RGS7: variants seen among roughly 807,000 people sequenced by gnomAD.
The protein encoded by RGS7 is regulator of G-protein signaling 7.
In RGS7, 27 loss-of-function variants were observed where a neutral mutation model predicts 81.1. That is an observed-to-expected ratio of 0.33 (90% confidence interval 0.25 to 0.46). RGS7 has a LOEUF of 0.46. Among genes scored for constraint, RGS7 ranks in the 20% least tolerant of loss-of-function variants. The pLI is 1.00. For missense variants in RGS7, 396 were observed against 607.4 expected (o/e 0.65, Z 3.66); for synonymous variants, 208 against 207.7 (o/e 1.00, Z -0.01).
At chr1:240,888,429 G>GGT (rs1196561982) in intron 6 of RGS7, among the ~76,000 whole-genome samples, 2 of 152,168 alleles carry the variant, frequency 1.3e-5, no homozygotes. Flanking sequence ...AAGTGAGACA[G>GGT]GTGTGTGTGG....
chr1:241,185,046 G>C (rs2071970393), intron 2 of RGS7, among the ~76,000 whole-genome samples: 1 of 152,052 alleles, frequency 6.6e-6, no homozygotes, highest in African/African-American at 2.4e-5. Context: ...AGAAAAATCA[G>C]GTAAAGTTTA....
chr1:241,134,713 G>C (rs1203868254), intron 2 of RGS7, among the ~76,000 whole-genome samples: 2 of 152,192 alleles, frequency 1.3e-5, no homozygotes, highest in African/African-American at 4.8e-5. Flanking sequence ...AGTTGAAGCA[G>C]AGTGCTGAGA....
At chr1:241,298,584 T>C (rs931551275) in intron 2 of RGS7, among the ~76,000 whole-genome samples, 1 of 152,170 alleles carries the variant, frequency 6.6e-6, no homozygotes, top group Non-Finnish European at 1.5e-5. Flanking sequence ...AAAAGAATTA[T>C]CTGTACCCTC....
At chr1:241,284,821 G>A (rs1226807235) in intron 2 of RGS7, among the ~76,000 whole-genome samples, 1 of 152,116 alleles carries the variant, frequency 6.6e-6, no homozygotes. Context: ...TTTGGCTGGA[G>A]TAAAGTGGTT....
intron 2 of RGS7, among the ~76,000 whole-genome samples, chr1:241,250,623 G>T (rs561019843): frequency 6.6e-6 from 1 of 152,300 alleles, no homozygotes; most frequent in Non-Finnish European, 1.5e-5. Context: ...CCTTTCGCTT[G>T]CATGAGTCAT....
chr1:240,955,664 A>G (rs1302758560), intron 4 of RGS7, among the ~76,000 whole-genome samples: 3 of 152,158 alleles, frequency 2.0e-5, no homozygotes, highest in African/African-American at 7.2e-5. Flanking sequence ...GAAAAAGAAC[A>G]GAGAAATATA....
chr1:241,250,569 C>T (rs2076781057), intron 2 of RGS7, among the ~76,000 whole-genome samples: 1 of 151,954 alleles, frequency 6.6e-6, no homozygotes, highest in African/African-American at 2.4e-5. Context: ...GAAAATAGCA[C>T]AGGCCATGCC....
chr1:241,331,501 C>A (rs2081977442), intron 2 of RGS7, among the ~76,000 whole-genome samples: 1 of 152,046 alleles, frequency 6.6e-6, no homozygotes, highest in Non-Finnish European at 1.5e-5. Flanking sequence ...GATAAAGGTA[C>A]AATATAGTTT....
intron 2 of RGS7, among the ~76,000 whole-genome samples, chr1:241,252,903 G>A (rs1393162004): frequency 6.6e-6 from 1 of 152,146 alleles, no homozygotes; most frequent in Admixed American, 6.5e-5. Flanking sequence ...CCTCGGACTT[G>A]CTTCTAAGAT....
intron 2 of RGS7, among the ~76,000 whole-genome samples, chr1:241,255,507 C>T (rs1328130937): frequency 6.6e-6 from 1 of 152,174 alleles, no homozygotes; most frequent in Non-Finnish European, 1.5e-5. Context: ...GAAAAATGAG[C>T]AGGCCTGAAC....
Position 241,225,356 on chromosome 1 carries a change from A to G in RGS7, c.79-126594T>C, listed in dbSNP as rs118014283. On this transcript the variant is annotated intron_variant, in intron 2 of 18. Coordinates refer to ENST00000440928, the MANE Select transcript of RGS7 (RefSeq NM_001364886.1). ...TGCATTTCTCCCACATGTGGCAAATATATCAACTCTCTTTAGGTATAATAT... is the reference window on the plus strand; with the variant it reads ...TGCATTTCTCCCACATGTGGCAAATGTATCAACTCTCTTTAGGTATAATAT... 3.3e-4 allele frequency among the ~76,000 whole-genome samples: 51 copies of G among 152,352 alleles called. 1 individual carries two copies. In the East Asian group the frequency reaches 9.8e-3, roughly 29 times the overall value.
intron 2 of RGS7, among the ~76,000 whole-genome samples, chr1:241,174,988 C>T (rs1042803598): frequency 4.0e-5 from 6 of 150,358 alleles, no homozygotes; most frequent in African/African-American, 1.2e-4. Context: ...CTACAACCTC[C>T]GCCTCCCAGG....
intron 10 of RGS7, 92 bp downstream of exon 10, chr1:240,827,006 T>C (rs1692953753): frequency 4.9e-6 from 5 of 1,021,208 alleles, no homozygotes; most frequent in African/African-American, 1.6e-5. Context: ...GGAAAGATAC[T>C]GCATGACATG....
At chr1:240,960,647 A>T (rs867376065) in intron 4 of RGS7, among the ~76,000 whole-genome samples, 1 of 151,430 alleles carries the variant, frequency 6.6e-6, no homozygotes, top group Middle Eastern at 3.4e-3. Flanking sequence ...AGACTCATGG[A>T]ACTTGATTCC....
intron 9 of RGS7, among the ~76,000 whole-genome samples, chr1:240,857,822 T>C (rs889105027): frequency 6.6e-6 from 1 of 152,114 alleles, no homozygotes; most frequent in African/African-American, 2.4e-5. Flanking sequence ...AGGGACCTGG[T>C]GGGAGGTAAT....
chr1:240,811,898 A>T lies in RGS7; in HGVS notation c.1082+20T>A, dbSNP rs762003474. On this transcript the variant is annotated intron_variant, in intron 14 of 18. Transcript: ENST00000440928. ...AGACAGTATTTCTCTGGCTTATAAG[A>T]TCCAAGCAATGTGTTTTACCTTAAA... is the stretch of plus-strand genomic sequence containing the variant. 32 of 1,599,090 alleles carry T rather than the reference A, an allele frequency of 2.0e-5. No homozygotes were observed. The highest frequency in any genetic ancestry group is 2.6e-5 in the Non-Finnish European group (30 of 1,166,194).
chr1:240,853,670 C>A (rs971992178), intron 9 of RGS7, among the ~76,000 whole-genome samples: 17 of 152,054 alleles, frequency 1.1e-4, no homozygotes, highest in Non-Finnish European at 1.9e-4. Flanking sequence ...CTTTGGGAGG[C>A]CGAGGCGGGC....
chr1:240,813,126 T>C (rs924308172), intron 13 of RGS7, among the ~76,000 whole-genome samples: 2 of 152,216 alleles, frequency 1.3e-5, no homozygotes, highest in Admixed American at 1.3e-4. Flanking sequence ...TGAAAGAAAC[T>C]ATGGAGTCCT....
chr1:240,959,282 G>C (rs1157462348), intron 4 of RGS7, among the ~76,000 whole-genome samples: 1 of 152,168 alleles, frequency 6.6e-6, no homozygotes, highest in Admixed American at 6.5e-5. Flanking sequence ...TCATGCATGA[G>C]AGATGCATCT....
Sources: gnomAD v4.1 joint callset for allele counts (sites outside exome capture counted in the v4.1 genomes callset) on GRCh38, gnomAD v4.1.1 for gene constraint, MANE v1.5 for transcripts, NCBI Gene and HGNC (gene_info 2026-07-23, HGNC 2026-07-21) for gene names.